Variants in CENPP observed in about 807,000 individuals in gnomAD.
The protein encoded by CENPP is centromere protein P.
CENPP carries 24 observed loss-of-function variants against 35.6 expected under a neutral mutation model. The ratio of observed to expected loss-of-function variants is 0.67; its 90% CI spans 0.49 to 0.95. The LOEUF is 0.95. Ranked by LOEUF, CENPP falls within the 40% of genes least tolerant of loss-of-function variation. The pLI, the probability that CENPP is intolerant of heterozygous loss-of-function variation, is 0.00. For missense variants in CENPP, 332 were observed against 345.3 expected, an observed-to-expected ratio of 0.96 and a Z score of 0.31; for synonymous variants, 120 against 125.5, an observed-to-expected ratio of 0.96 and a Z score of 0.29.
intron 5 of CENPP, among the ~76,000 whole-genome samples, chr9:92,397,943 A>G (rs1842957766): frequency 6.6e-6 from 1 of 152,232 alleles, no homozygotes; most frequent in Non-Finnish European, 1.5e-5. Flanking sequence ...AGTTAATAGT[A>G]GTATCTTCTA....
intron 5 of CENPP, among the ~76,000 whole-genome samples, chr9:92,606,555 A>G (rs1285130108): frequency 6.6e-6 from 1 of 152,210 alleles, no homozygotes; most frequent in East Asian, 1.9e-4. Context: ...GAAAATATGT[A>G]TGTGCAAAAC....
chr9:92,352,505 G>GTGTGTGTGTATATA, intron 4 of CENPP, among the ~76,000 whole-genome samples: 3 of 49,790 alleles, frequency 6.0e-5, no homozygotes, highest in African/African-American at 1.8e-4. Context: ...GTGTGTGTGT[G>GTGTGTGTGTATATA]TATACATATA....
At chr9:92,421,711 T>C (rs1279583111) in intron 5 of CENPP, among the ~76,000 whole-genome samples, 1 of 152,242 alleles carries the variant, frequency 6.6e-6, no homozygotes, top group Admixed American at 6.5e-5. Flanking sequence ...GATGAGGCAC[T>C]ATGCTAAGTT....
At chr9:92,445,154 A>C (rs1236821220) in intron 5 of CENPP, among the ~76,000 whole-genome samples, 1 of 152,100 alleles carries the variant, frequency 6.6e-6, no homozygotes, top group Non-Finnish European at 1.5e-5. Context: ...TTCTCTGCCA[A>C]CTTAAATGTT....
At chr9:92,344,079 T>C (rs1447108983) in intron 3 of CENPP, among the ~76,000 whole-genome samples, 1 of 151,168 alleles carries the variant, frequency 6.6e-6, no homozygotes, top group Admixed American at 6.6e-5. Context: ...AAGTGGACCA[T>C]AGTAGAAAGG....
Position 92,360,152 on chromosome 9 carries a change from C to T in CENPP, c.467+14365C>T, listed in dbSNP as rs190291042. On this transcript the variant is annotated intron_variant, in intron 4 of 7. Transcript: ENST00000375587. ...ATTCTCTTTTAATTTATTTCATTCACGTTTTGGCTATATTTGTATTATTTT... is the reference window on the plus strand; with the variant it reads ...ATTCTCTTTTAATTTATTTCATTCATGTTTTGGCTATATTTGTATTATTTT... 6.2e-4 allele frequency among the ~76,000 whole-genome samples: 95 copies of T among 152,178 alleles called. No homozygotes were observed. The Middle Eastern group carries it at 0.01, about 16-fold the overall frequency.
intron 5 of CENPP, among the ~76,000 whole-genome samples, chr9:92,531,197 TTTTTCTG>T (rs1848729017): frequency 6.6e-6 from 1 of 152,144 alleles, no homozygotes; most frequent in African/African-American, 2.4e-5. Context: ...TCTATGTTCC[TTTTTCTG>T]TTTTCTTTCT....
chr9:92,536,411 G>A (rs935796481), intron 5 of CENPP, among the ~76,000 whole-genome samples: 5 of 152,028 alleles, frequency 3.3e-5, no homozygotes, highest in East Asian at 1.9e-4. Context: ...GTGTATATCT[G>A]GAATCTATTT....
At chr9:92,377,084 C>G (rs1368064855) in intron 4 of CENPP, among the ~76,000 whole-genome samples, 1 of 151,902 alleles carries the variant, frequency 6.6e-6, no homozygotes, top group Non-Finnish European at 1.5e-5. Flanking sequence ...GTTTAACATA[C>G]TTGGCTTCCA....
chr9:92,450,934 G>A (rs1844690067), intron 5 of CENPP, among the ~76,000 whole-genome samples: 1 of 152,084 alleles, frequency 6.6e-6, no homozygotes, highest in African/African-American at 2.4e-5. Context: ...CCCACTTTTT[G>A]ATGGGGTTGT....
At chr9:92,536,001 CAG>C (rs1373956886) in intron 5 of CENPP, 3 of 512,094 alleles carry the variant, frequency 5.9e-6, no homozygotes, top group Middle Eastern at 3.2e-4. Flanking sequence ...GAAACAAAAT[CAG>C]AGCTTTCTTT....
intron 4 of CENPP, among the ~76,000 whole-genome samples, chr9:92,371,959 G>A (rs1456189855): frequency 7.1e-6 from 1 of 140,630 alleles, no homozygotes; most frequent in Non-Finnish European, 1.5e-5. Flanking sequence ...TTCACCTCCC[G>A]GGGTCAAGTG....
At chr9:92,339,769 A>T (rs184908879) in intron 3 of CENPP, 1 of 153,720 alleles carries the variant, frequency 6.5e-6, no homozygotes, top group Admixed American at 6.5e-5. Context: ...CAAGCAGAGA[A>T]TGGACCCAAA....
At chr9:92,403,260 T>C in intron 5 of CENPP, 1 of 1,597,324 alleles carries the variant, frequency 6.3e-7, no homozygotes, top group Non-Finnish European at 8.6e-7. Context: ...TCCAGGTATT[T>C]ATCCTCATAA....
intron 5 of CENPP, among the ~76,000 whole-genome samples, chr9:92,607,970 C>A (rs1161325057): frequency 6.6e-6 from 1 of 152,156 alleles, no homozygotes; most frequent in Non-Finnish European, 1.5e-5. Flanking sequence ...GAACAAACAC[C>A]CACTTGAATC....
chr9:92,459,512 A>T lies in CENPP; in HGVS notation c.564+79653A>T, dbSNP rs949034578. On this transcript the variant is annotated intron_variant, in intron 5 of 7. Transcript: ENST00000375587. ...TTAAAACACCTCATGCAACCTGGAG[A>T]GTCATTATGTTTGAATCACCCTTGC... The T allele has an allele frequency of 8.8e-6, 8 of 910,780 alleles. No homozygotes were observed. In the African/African-American group the frequency reaches 1.3e-4, roughly 15 times the overall value. The allele number at this position is 910,780 out of a possible 1,614,324, so 56.4% of individuals were successfully genotyped here.
chr9:92,453,259 A>G (rs1052224319), intron 5 of CENPP, among the ~76,000 whole-genome samples: 1 of 152,074 alleles, frequency 6.6e-6, no homozygotes, highest in Non-Finnish European at 1.5e-5. Context: ...TTCCCTCTAC[A>G]CACTGCTTTG....
chr9:92,329,645 C>G lies in CENPP; in HGVS notation c.108-2525C>G, dbSNP rs547024180. On this transcript the variant is annotated intron_variant, in intron 1 of 7. Transcript: ENST00000375587. ...CACCCACCTCCCATGCTCAAGCAAT[C>G]GTCCTGCCTCAGCGACCCTCCACCA... Among the ~76,000 whole-genome samples, 5 of 152,060 alleles carry G rather than the reference C, an allele frequency of 3.3e-5. No homozygotes were observed. The South Asian group carries it at 1.0e-3, about 31-fold the overall frequency.
chr9:92,611,258 A>C (rs761967884), intron 5 of CENPP, 56 bp from the exon 6 acceptor site: 1 of 1,433,622 alleles, frequency 7.0e-7, no homozygotes, highest in Non-Finnish European at 9.8e-7. Flanking sequence ...TGCCCCTCCC[A>C]TGGCCCCTTT....
Sources: allele counts gnomAD v4.1 joint callset (sites outside exome capture counted in the v4.1 genomes callset), GRCh38; gene constraint gnomAD v4.1.1; transcripts MANE v1.5; gene names NCBI Gene and HGNC (gene_info 2026-07-23, HGNC 2026-07-21).